ERBB4: variants seen among roughly 807,000 people sequenced by gnomAD.
ERBB4 encodes the protein receptor tyrosine-protein kinase erbB-4.
In ERBB4, 42 loss-of-function variants were observed where a neutral mutation model predicts 158.0. The observed-to-expected ratio is 0.27, with a 90% CI of 0.21 to 0.34. The LOEUF (loss-of-function observed/expected upper bound fraction) is 0.34, where lower values mean the gene tolerates loss of function less well. ERBB4 is among the 10% of genes least tolerant of loss of function. ERBB4 has a pLI of 1.00. For missense variants in ERBB4, 1,333 were observed against 1,624.1 expected, an observed-to-expected ratio of 0.82 and a Z score of 3.08; for synonymous variants, 583 against 558.7, an observed-to-expected ratio of 1.04 and a Z score of -0.61.
chr2:211,592,589 G>T (rs1007868661), intron 19 of ERBB4, among the ~76,000 whole-genome samples: 1 of 152,146 alleles, frequency 6.6e-6, no homozygotes, highest in Non-Finnish European at 1.5e-5. Context: ...GGATTTCAAG[G>T]TTCCAAAACA....
At chr2:212,414,452 T>A (rs1415213832) in intron 1 of ERBB4, among the ~76,000 whole-genome samples, 1 of 152,200 alleles carries the variant, frequency 6.6e-6, no homozygotes, top group Non-Finnish European at 1.5e-5. Context: ...TGAAAGGTGA[T>A]CTTTCTCTAA....
chr2:212,040,472 G>A (rs994054590), intron 2 of ERBB4, among the ~76,000 whole-genome samples: 5 of 152,108 alleles, frequency 3.3e-5, no homozygotes, highest in African/African-American at 1.2e-4. Flanking sequence ...AAGGAATATT[G>A]ATGGCTTTGC....
intron 3 of ERBB4, among the ~76,000 whole-genome samples, chr2:211,869,261 A>G (rs2078283629): frequency 6.6e-6 from 1 of 152,200 alleles, no homozygotes; most frequent in Non-Finnish European, 1.5e-5. Context: ...CTGTGTTTTT[A>G]ACAGTTAGCA....
intron 1 of ERBB4, among the ~76,000 whole-genome samples, chr2:212,177,553 C>G (rs1213242115): frequency 6.6e-6 from 1 of 151,852 alleles, no homozygotes; most frequent in Non-Finnish European, 1.5e-5. Flanking sequence ...CCATCCCCTA[C>G]TCTCTACTCC....
chr2:211,558,806 A>G (rs1004405231), intron 20 of ERBB4, among the ~76,000 whole-genome samples: 1 of 152,050 alleles, frequency 6.6e-6, no homozygotes, highest in African/African-American at 2.4e-5. Flanking sequence ...TTAAGGGTAG[A>G]TTTTGTTATT....
chr2:212,380,604 CTT>C (rs543856933), intron 1 of ERBB4, among the ~76,000 whole-genome samples: 14 of 150,824 alleles, frequency 9.3e-5, no homozygotes, highest in South Asian at 2.1e-4. Flanking sequence ...AAAAAATACA[CTT>C]AAGTTATACT....
chr2:211,691,952 G>A (rs1209785973), intron 12 of ERBB4, among the ~76,000 whole-genome samples: 1 of 152,114 alleles, frequency 6.6e-6, no homozygotes, highest in Admixed American at 6.6e-5. Context: ...TCCGTTGAAA[G>A]GTTCTAAGCA....
At chr2:211,598,501 A>G (rs971916328) in intron 19 of ERBB4, among the ~76,000 whole-genome samples, 4 of 152,196 alleles carry the variant, frequency 2.6e-5, no homozygotes, top group East Asian at 3.9e-4. Context: ...TCTGTTTGGA[A>G]TATGTTAAAC....
At chr2:212,479,607 G>A (rs1327980824) in intron 1 of ERBB4, among the ~76,000 whole-genome samples, 6 of 152,054 alleles carry the variant, frequency 3.9e-5, no homozygotes, top group Non-Finnish European at 7.4e-5. Context: ...TAAAATTTGT[G>A]TGCAGCTCAC....
At chr2:212,322,466 G>T (rs529185033) in intron 1 of ERBB4, among the ~76,000 whole-genome samples, 1 of 150,638 alleles carries the variant, frequency 6.6e-6, no homozygotes, top group South Asian at 2.1e-4. Context: ...ACTATTTTAT[G>T]TGATTACTAA....
Position 212,493,622 on chromosome 2 carries a change from G to A in ERBB4, c.82+44827C>T, listed in dbSNP as rs370635600. On this transcript the variant is annotated intron_variant, in intron 1 of 27. Transcript: ENST00000342788. Reference sequence around the variant, plus strand: ...TTAACTTCAGCAATTTTTAATTTATGTTCTTTGAATTTAGTCAAGCATTAA... The same window carrying A: ...TTAACTTCAGCAATTTTTAATTTATATTCTTTGAATTTAGTCAAGCATTAA... Among the ~76,000 whole-genome samples, 38 of 151,678 alleles carry A rather than the reference G, an allele frequency of 2.5e-4. No individual in the cohort carries two copies. The East Asian group carries it at 6.4e-3, about 25-fold the overall frequency.
At chr2:211,408,211 C>G (rs2063184469) in intron 25 of ERBB4, among the ~76,000 whole-genome samples, 1 of 152,196 alleles carries the variant, frequency 6.6e-6, no homozygotes, top group Non-Finnish European at 1.5e-5. Flanking sequence ...ATTGTCCTTT[C>G]TAGGTCGAGT....
intron 1 of ERBB4, among the ~76,000 whole-genome samples, chr2:212,208,842 G>T (rs545235112): frequency 3.9e-5 from 6 of 152,162 alleles, no homozygotes; most frequent in South Asian, 4.1e-4. Flanking sequence ...TCAACTAAAT[G>T]AAAAATAACT....
At chr2:212,370,263 T>A (rs1329330095) in intron 1 of ERBB4, among the ~76,000 whole-genome samples, 2 of 152,188 alleles carry the variant, frequency 1.3e-5, no homozygotes, top group African/African-American at 4.8e-5. Flanking sequence ...AGAGGTGACT[T>A]CTGCCATGAT....
At chr2:211,521,694 G>T (rs992619753) in intron 20 of ERBB4, among the ~76,000 whole-genome samples, 2 of 152,112 alleles carry the variant, frequency 1.3e-5, no homozygotes, top group Admixed American at 6.5e-5. Context: ...AGCTTCAAAG[G>T]TCAGCCTGAC....
At chr2:212,149,953 T>G (rs1385776013) in intron 1 of ERBB4, among the ~76,000 whole-genome samples, 1 of 152,282 alleles carries the variant, frequency 6.6e-6, no homozygotes, top group East Asian at 1.9e-4. Context: ...CAGGAACACT[T>G]AACTCCAGTA....
chr2:212,323,263 G>C lies in ERBB4; in HGVS notation c.83-198360C>G, dbSNP rs1417827554. On this transcript the variant is annotated intron_variant, in intron 1 of 27. Transcript: ENST00000342788. ...TTACTCATTTAATAATTTTTAATCA[G>C]GCCTTTATTTTCTCCAAATTAGCCA... 2.7e-5 allele frequency among the ~76,000 whole-genome samples: 4 copies of C among 150,234 alleles called. 1 individual carries two copies. Among genetic ancestry groups the C allele is most frequent in the Non-Finnish European group, 6.0e-5 (4 of 67,058 alleles).
At chr2:211,460,643 C>A (rs1002097913) in intron 20 of ERBB4, among the ~76,000 whole-genome samples, 10 of 152,058 alleles carry the variant, frequency 6.6e-5, no homozygotes, top group African/African-American at 2.4e-4. Flanking sequence ...GTATTACAGA[C>A]AGTTTTTGTG....
intron 2 of ERBB4, among the ~76,000 whole-genome samples, chr2:212,018,285 C>A (rs1312643293): frequency 1.3e-5 from 2 of 152,142 alleles, no homozygotes; most frequent in African/African-American, 4.8e-5. Context: ...TAGGTTTAAC[C>A]TGAGATAAAG....
Sources: gnomAD v4.1 joint callset for allele counts (sites outside exome capture counted in the v4.1 genomes callset) on GRCh38, gnomAD v4.1.1 for gene constraint, MANE v1.5 for transcripts, NCBI Gene and HGNC (gene_info 2026-07-23, HGNC 2026-07-21) for gene names.